The following R3HDM1 variants were observed in gnomAD, a reference collection of about 807,000 sequenced individuals.
R3HDM1 encodes the protein R3H domain containing 1.
R3HDM1 carries 46 observed loss-of-function variants against 141.1 expected under a neutral mutation model. That is an observed-to-expected ratio of 0.33 (90% confidence interval 0.26 to 0.42). R3HDM1 has a LOEUF of 0.42. Among genes scored for constraint, R3HDM1 ranks in the 10% least tolerant of loss-of-function variants. The pLI is 1.00. For synonymous variants in R3HDM1, 435 were observed against 472.9 expected (o/e 0.92, Z 1.04); for missense variants, 1,184 against 1,368.3 (o/e 0.87, Z 2.12).
Position 135,724,143 on chromosome 2 carries a change from T to A in R3HDM1, c.3256T>A (p.Ser1086Thr), listed in dbSNP as rs1421300496. The change falls in exon 27 of 27, where the codon TCC (serine) becomes ACC (threonine). Residue 1086 changes from serine (S) to threonine (T), a missense_variant. Around this residue, in one of 5 missense-constraint regions of R3HDM1, gnomAD observed 182 missense variants for 252.6 expected, o/e 0.72. Transcript: ENST00000683871. ...ACGCTCTAAACCCAGTGACTTGGCC[T>A]CCACCTACACCGTCTTAGCCACATT... ...PERSKPSDLASTYTVLATFPS... is the reference protein window; with the variant it reads ...PERSKPSDLATTYTVLATFPS... 6.2e-7 allele frequency: 1 copy of A among 1,613,992 alleles called. No homozygotes were observed. Among genetic ancestry groups the A allele is most frequent in the Admixed American group, 1.7e-5 (1 of 59,992 alleles).
At chr2:135,631,807 A>G (rs1170470637) in intron 8 of R3HDM1, 30 bp downstream of exon 8, 5 of 1,568,810 alleles carry the variant, frequency 3.2e-6, no homozygotes, top group Admixed American at 3.9e-5. Flanking sequence ...AAGAAAAGAA[A>G]TTGTCATCAC....
intron 26 of R3HDM1, among the ~76,000 whole-genome samples, chr2:135,723,231 C>T (rs1280745410): frequency 6.6e-6 from 1 of 151,908 alleles, no homozygotes; most frequent in African/African-American, 2.4e-5. Flanking sequence ...AAGCAGTTCT[C>T]CTGCCTCAGC....
intron 21 of R3HDM1, among the ~76,000 whole-genome samples, chr2:135,700,670 A>G (rs1278635624): frequency 6.6e-6 from 1 of 152,204 alleles, no homozygotes; most frequent in Non-Finnish European, 1.5e-5. Context: ...ATTGCTTGAG[A>G]AGAATACACT....
chr2:135,577,073 G>T, intron 1 of R3HDM1: 1 of 922,814 alleles, frequency 1.1e-6, no homozygotes, highest in Non-Finnish European at 1.3e-6. Flanking sequence ...AACAGGTTAA[G>T]AATCTAAATG....
intron 5 of R3HDM1, chr2:135,620,326 T>C: frequency 1.1e-6 from 1 of 888,788 alleles, no homozygotes; most frequent in African/African-American, 1.8e-5. Flanking sequence ...ATACCTGTTT[T>C]ACAGTTATGA....
chr2:135,581,498 A>G (rs1054312648), intron 1 of R3HDM1: 10 of 690,742 alleles, frequency 1.4e-5, no homozygotes, highest in Admixed American at 6.3e-5. Context: ...TAATACCACA[A>G]TCTTTCCTCA....
At chr2:135,649,702 G>A (rs751877111) in intron 16 of R3HDM1, among the ~76,000 whole-genome samples, 200 bp from the exon 17 acceptor site, 15 of 152,158 alleles carry the variant, frequency 9.9e-5, no homozygotes, top group South Asian at 2.1e-4. Flanking sequence ...AAATTCAGGC[G>A]TACATGTTTT....
At chr2:135,657,375 C>G (rs1268740232) in intron 18 of R3HDM1, among the ~76,000 whole-genome samples, 1 of 148,630 alleles carries the variant, frequency 6.7e-6, no homozygotes, top group Non-Finnish European at 1.5e-5. Context: ...TGCGCCACTT[C>G]ACTCCAGCCT....
At chr2:135,668,214 A>G (rs1399769655) in intron 19 of R3HDM1, among the ~76,000 whole-genome samples, 2 of 152,184 alleles carry the variant, frequency 1.3e-5, no homozygotes, top group Non-Finnish European at 2.9e-5. Context: ...TTTAACCAAC[A>G]TAGATCCCAG....
At chr2:135,535,840 A>G (rs1695984265) in intron 1 of R3HDM1, among the ~76,000 whole-genome samples, 1 of 152,182 alleles carries the variant, frequency 6.6e-6, no homozygotes, top group Non-Finnish European at 1.5e-5. Flanking sequence ...TGGCTGAGGG[A>G]TGAAATAGAG....
chr2:135,595,722 C>T (rs972372639), intron 1 of R3HDM1, among the ~76,000 whole-genome samples: 2 of 152,142 alleles, frequency 1.3e-5, no homozygotes, highest in African/African-American at 4.8e-5. Flanking sequence ...ATCCCATCTG[C>T]TTGGTTCACT....
At chr2:135,571,017 C>T (rs929071551) in intron 1 of R3HDM1, among the ~76,000 whole-genome samples, 7 of 152,086 alleles carry the variant, frequency 4.6e-5, no homozygotes, top group African/African-American at 1.7e-4. Context: ...ATTTACTTTT[C>T]TTGAGGCCAA....
At chr2:135,716,001 A>G (rs1450954939) in intron 24 of R3HDM1, among the ~76,000 whole-genome samples, 1 of 152,192 alleles carries the variant, frequency 6.6e-6, no homozygotes, top group East Asian at 1.9e-4. Flanking sequence ...TTTTTTCGGT[A>G]TTTTAATTTC....
chr2:135,629,514 C>A (rs1283724531), intron 7 of R3HDM1, among the ~76,000 whole-genome samples: 2 of 152,024 alleles, frequency 1.3e-5, no homozygotes, highest in African/African-American at 2.4e-5. Flanking sequence ...TTTTGTTGAA[C>A]CTTTCTATAT....
At chr2:135,537,614 T>TTATTTTATTTTATTA in intron 1 of R3HDM1, among the ~76,000 whole-genome samples, 1 of 66,718 alleles carries the variant, frequency 1.5e-5, no homozygotes, top group Admixed American at 1.7e-4. Flanking sequence ...AGCCCTTATT[T>TTATTTTATTTTATTA]TATTTTATTT....
chr2:135,575,926 T>G (rs1380286057), intron 1 of R3HDM1, among the ~76,000 whole-genome samples: 1 of 152,058 alleles, frequency 6.6e-6, no homozygotes, highest in Admixed American at 6.5e-5. Context: ...CATACAAGAA[T>G]AGCCAGGAAG....
At chr2:135,633,806 T>G (rs2105224253) in intron 9 of R3HDM1, 1 of 152,290 alleles carries the variant, frequency 6.6e-6, no homozygotes, top group South Asian at 2.1e-4. Context: ...GGCAGTAAAT[T>G]CAGGCATCTA....
intron 1 of R3HDM1, among the ~76,000 whole-genome samples, chr2:135,571,511 A>G (rs1026625723): frequency 6.6e-6 from 1 of 151,906 alleles, no homozygotes. Context: ...ATTTTAGTAG[A>G]GACCAGGTTT....
At chr2:135,565,355 TA>T (rs1252820217) in intron 1 of R3HDM1, among the ~76,000 whole-genome samples, 18 of 147,748 alleles carry the variant, frequency 1.2e-4, no homozygotes, top group African/African-American at 3.9e-4. Flanking sequence ...TTATTATTAT[TA>T]TTATTATTTT....
Sources: gnomAD v4.1 joint callset for allele counts (sites outside exome capture counted in the v4.1 genomes callset) on GRCh38, gnomAD v4.1.1 for gene constraint, gnomAD v4.1.1 regional missense constraint, MANE v1.5 for transcripts, NCBI Gene and HGNC (gene_info 2026-07-23, HGNC 2026-07-21) for gene names.